Variants in DNAJC1 observed in about 807,000 individuals in gnomAD.
DNAJC1 encodes dnaJ homolog subfamily C member 1.
In DNAJC1, 58 loss-of-function variants were observed where a neutral mutation model predicts 76.6. The ratio of observed to expected loss-of-function variants is 0.76; its 90% confidence interval spans 0.61 to 0.94. The LOEUF (loss-of-function observed/expected upper bound fraction) is 0.94, where lower values mean the gene tolerates loss of function less well. Ranked by LOEUF, DNAJC1 falls within the 40% of genes least tolerant of loss-of-function variation. The pLI is 0.00. For synonymous variants in DNAJC1, 258 were observed against 267.9 expected, an observed-to-expected ratio of 0.96 and a Z score of 0.36; for missense variants, 689 against 677.3, an observed-to-expected ratio of 1.02 and a Z score of -0.19.
chr10:21,951,134 A>G (rs1466543377), intron 1 of DNAJC1, among the ~76,000 whole-genome samples: 2 of 152,228 alleles, frequency 1.3e-5, no homozygotes, highest in African/African-American at 2.4e-5. Flanking sequence ...AGCCTGACCA[A>G]CATGGTGAAA....
chr10:21,912,249 G>C (rs1836875687), intron 6 of DNAJC1, among the ~76,000 whole-genome samples: 1 of 151,710 alleles, frequency 6.6e-6, no homozygotes, highest in Admixed American at 6.6e-5. Context: ...CCATTAACTA[G>C]TTGTGTCACT....
In DNAJC1 at chr10:21,797,490, T is replaced by C. The variant is rs996611292; in HGVS notation, c.1098+8490A>G. 8.5e-5 allele frequency among the ~76,000 whole-genome samples: 13 copies of C among 152,316 alleles called. No homozygotes were observed. In the East Asian group the frequency reaches 2.1e-3, roughly 25 times the overall value. On this transcript the variant is annotated intron_variant, in intron 9 of 11. Transcript: ENST00000376980. ...TTTTCTAGTTCTGTAAATCAATAAT[T>C]TTTTTAAACAAAAAAATTTTAAAAC...
At chr10:21,940,687 A>T (rs1033064924) in intron 1 of DNAJC1, among the ~76,000 whole-genome samples, 5 of 152,202 alleles carry the variant, frequency 3.3e-5, no homozygotes, top group African/African-American at 1.2e-4. Flanking sequence ...TAAGATTAAA[A>T]AAGTAAGCGT....
intron 7 of DNAJC1, among the ~76,000 whole-genome samples, chr10:21,887,501 C>T (rs1028796930): frequency 1.3e-5 from 2 of 152,034 alleles, no homozygotes; most frequent in Non-Finnish European, 2.9e-5. Flanking sequence ...TACAGGGCTA[C>T]ATAACCAAAA....
chr10:21,971,547 C>T (rs768768710), intron 1 of DNAJC1, among the ~76,000 whole-genome samples: 1 of 151,698 alleles, frequency 6.6e-6, no homozygotes, highest in Non-Finnish European at 1.5e-5. Context: ...ACATGAAAAA[C>T]AGGGACAATT....
intron 7 of DNAJC1, among the ~76,000 whole-genome samples, chr10:21,902,202 C>T (rs563010399): frequency 6.6e-6 from 1 of 152,268 alleles, no homozygotes; most frequent in African/African-American, 2.4e-5. Flanking sequence ...GTTTCAATAA[C>T]TGATAAGCTA....
chr10:21,763,252 C>T (rs1445463812), intron 10 of DNAJC1, among the ~76,000 whole-genome samples: 1 of 152,182 alleles, frequency 6.6e-6, no homozygotes, highest in East Asian at 1.9e-4. Context: ...TTCAAACGTC[C>T]TTTCTACAGC....
chr10:22,003,153 G>T (rs1838550730), intron 1 of DNAJC1, 60 bp downstream of exon 1: 3 of 1,407,698 alleles, frequency 2.1e-6, no homozygotes, highest in Non-Finnish European at 2.8e-6. Flanking sequence ...CTGAGGAACC[G>T]GGTCGCCTGA....
intron 7 of DNAJC1, 37 bp downstream of exon 7, chr10:21,904,485 A>G (rs1383735599): frequency 7.3e-6 from 9 of 1,232,566 alleles, no homozygotes; most frequent in East Asian, 2.5e-5. Context: ...AATTAATTTT[A>G]TATGACATTG....
chr10:21,908,077 T>C (rs1423489541), intron 6 of DNAJC1, among the ~76,000 whole-genome samples: 3 of 112,186 alleles, frequency 2.7e-5, no homozygotes, highest in Non-Finnish European at 5.1e-5. Context: ...TATACATAAA[T>C]ATATATTATA....
chr10:21,779,319 G>A (rs1055911707), intron 9 of DNAJC1, among the ~76,000 whole-genome samples: 10 of 152,288 alleles, frequency 6.6e-5, no homozygotes, highest in Admixed American at 2.6e-4. Context: ...CCTGACCCCC[G>A]AGTAGCCTGT....
At chr10:21,960,283 T>C (rs1191199347) in intron 1 of DNAJC1, among the ~76,000 whole-genome samples, 1 of 152,076 alleles carries the variant, frequency 6.6e-6, no homozygotes, top group East Asian at 1.9e-4. Flanking sequence ...AGATAACCAC[T>C]AAGAAAATAA....
intron 8 of DNAJC1, among the ~76,000 whole-genome samples, chr10:21,824,833 G>A (rs1359606785): frequency 6.6e-6 from 1 of 152,114 alleles, no homozygotes; most frequent in Non-Finnish European, 1.5e-5. Flanking sequence ...GAGTGCAGTG[G>A]TGCAATCTCA....
chr10:21,930,608 T>C (rs1590054269), intron 1 of DNAJC1, among the ~76,000 whole-genome samples: 1 of 152,196 alleles, frequency 6.6e-6, no homozygotes, highest in Non-Finnish European at 1.5e-5. Context: ...GACTAGTATG[T>C]TACCCAGGGT....
intron 8 of DNAJC1, among the ~76,000 whole-genome samples, chr10:21,870,281 A>G (rs1836081796): frequency 6.6e-6 from 1 of 152,130 alleles, no homozygotes; most frequent in Non-Finnish European, 1.5e-5. Context: ...TTTTTTAGCA[A>G]AACTAGAAAG....
At chr10:21,883,644 T>C (rs1836319920) in intron 7 of DNAJC1, among the ~76,000 whole-genome samples, 1 of 152,204 alleles carries the variant, frequency 6.6e-6, no homozygotes, top group African/African-American at 2.4e-5. Context: ...AACATTTACA[T>C]TAGCTTATAG....
At chr10:21,835,853 G>C (rs1251498440) in intron 8 of DNAJC1, among the ~76,000 whole-genome samples, 1 of 152,184 alleles carries the variant, frequency 6.6e-6, no homozygotes, top group Non-Finnish European at 1.5e-5. Flanking sequence ...CGTCTGATTG[G>C]CGTACCTGAA....
At chr10:21,818,460 T>C (rs1323151946) in intron 8 of DNAJC1, among the ~76,000 whole-genome samples, 1 of 152,226 alleles carries the variant, frequency 6.6e-6, no homozygotes, top group East Asian at 1.9e-4. Context: ...CCTGCCTCCA[T>C]TTGCCTTGTG....
At chr10:21,917,054 T>C (rs976461738) in intron 6 of DNAJC1, among the ~76,000 whole-genome samples, 1 of 152,044 alleles carries the variant, frequency 6.6e-6, no homozygotes, top group African/African-American at 2.4e-5. Context: ...CCCTAATGCC[T>C]AGCATCTCAA....
Sources: allele counts gnomAD v4.1 joint callset (sites outside exome capture counted in the v4.1 genomes callset), GRCh38; gene constraint gnomAD v4.1.1; transcripts MANE v1.5; gene names NCBI Gene and HGNC (gene_info 2026-07-23, HGNC 2026-07-21).